PRKCA: variants seen among roughly 807,000 people sequenced by gnomAD.
The protein encoded by PRKCA is protein kinase C alpha type.
Under a neutral mutation model 87.0 loss-of-function variants are expected in PRKCA, and 27 were observed. The observed-to-expected ratio is 0.31, with a 90% CI of 0.23 to 0.43. The LOEUF is 0.43. Ranked by LOEUF, PRKCA falls within the 20% of genes least tolerant of loss-of-function variation. The pLI, the probability that PRKCA is intolerant of heterozygous loss-of-function variation, is 1.00. For missense variants in PRKCA, 518 were observed against 852.3 expected (o/e 0.61, Z 4.88); for synonymous variants, 329 against 311.1 (o/e 1.06, Z -0.61).
chr17:66,399,104 T>TCTTTTCTTTTCTTTTC (rs1555598365), intron 2 of PRKCA, among the ~76,000 whole-genome samples: 1 of 131,938 alleles, frequency 7.6e-6, no homozygotes, highest in African/African-American at 2.7e-5. Context: ...TCTTTTCTTT[T>TCTTTTCTTTTCTTTTC]TTTTTTTTTT....
At chr17:66,790,687 C>T (rs1720382985) in intron 16 of PRKCA, among the ~76,000 whole-genome samples, 1 of 152,226 alleles carries the variant, frequency 6.6e-6, no homozygotes, top group Admixed American at 6.5e-5. Context: ...AATTACCTGT[C>T]AGTCACTTTC....
intron 3 of PRKCA, among the ~76,000 whole-genome samples, chr17:66,540,229 CATT>C (rs1967934865): frequency 6.6e-6 from 1 of 152,192 alleles, no homozygotes; most frequent in African/African-American, 2.4e-5. Context: ...TCTGATTCAT[CATT>C]GTTGTTCAGG....
At chr17:66,695,586 C>T (rs970303572) in intron 8 of PRKCA, among the ~76,000 whole-genome samples, 1 of 152,130 alleles carries the variant, frequency 6.6e-6, no homozygotes, top group African/African-American at 2.4e-5. Flanking sequence ...TTTATTATTT[C>T]GTTCATCATT....
At chr17:66,338,844 G>C (rs1297353118) in intron 2 of PRKCA, among the ~76,000 whole-genome samples, 2 of 152,212 alleles carry the variant, frequency 1.3e-5, no homozygotes, top group African/African-American at 4.8e-5. Context: ...TTTATGGTAA[G>C]TCATTTTTGT....
At chr17:66,551,478 G>T (rs1016567466) in intron 3 of PRKCA, among the ~76,000 whole-genome samples, 13 of 152,210 alleles carry the variant, frequency 8.5e-5, no homozygotes, top group Non-Finnish European at 1.5e-5. Context: ...CTTGATTCTC[G>T]CCATAGGGCA....
intron 5 of PRKCA, among the ~76,000 whole-genome samples, chr17:66,651,661 A>G (rs1971593502): frequency 6.6e-6 from 1 of 152,164 alleles, no homozygotes; most frequent in Non-Finnish European, 1.5e-5. Flanking sequence ...TGGGATTTGG[A>G]TCCAGATCAG....
intron 14 of PRKCA, among the ~76,000 whole-genome samples, chr17:66,785,797 C>T (rs1975369480): frequency 1.3e-5 from 2 of 152,226 alleles, no homozygotes; most frequent in Admixed American, 1.3e-4. Context: ...ACTTTACTCC[C>T]AGAAACCCCA....
chr17:66,538,331 C>A (rs1338401282), intron 3 of PRKCA, among the ~76,000 whole-genome samples: 1 of 152,170 alleles, frequency 6.6e-6, no homozygotes, highest in Non-Finnish European at 1.5e-5. Context: ...CTGCTCTGGG[C>A]TATTTATGAG....
chr17:66,509,655 G>T (rs1917137669), intron 3 of PRKCA, among the ~76,000 whole-genome samples: 1 of 152,152 alleles, frequency 6.6e-6, no homozygotes, highest in South Asian at 2.1e-4. Context: ...TAAACACCCA[G>T]AATAACGTAT....
chr17:66,662,258 GA>G (rs1971926761), intron 5 of PRKCA, among the ~76,000 whole-genome samples: 1 of 152,186 alleles, frequency 6.6e-6, no homozygotes, highest in South Asian at 2.1e-4. Flanking sequence ...AAAGCACTTA[GA>G]TGTCACATGC....
chr17:66,798,433 G>A (rs982781885), intron 16 of PRKCA, among the ~76,000 whole-genome samples: 1 of 88,872 alleles, frequency 1.1e-5, no homozygotes, highest in Admixed American at 1.1e-4. Context: ...TGGTGGTGGT[G>A]ACGGTGGTGG....
chr17:66,745,935 T>C (rs753181179), intron 13 of PRKCA, among the ~76,000 whole-genome samples: 2 of 152,106 alleles, frequency 1.3e-5, no homozygotes, highest in Non-Finnish European at 1.5e-5. Context: ...GACAGCACTC[T>C]GCGTGCTTAC....
At chr17:66,418,075 G>A (rs745780092) in intron 2 of PRKCA, among the ~76,000 whole-genome samples, 44 of 152,142 alleles carry the variant, frequency 2.9e-4, no homozygotes, top group Admixed American at 1.3e-3. Context: ...TTTGGTGCGC[G>A]TGGGTTTTAC....
At chr17:66,314,939 GTGTGTA>G (rs1438674691) in intron 2 of PRKCA, among the ~76,000 whole-genome samples, 1 of 151,630 alleles carries the variant, frequency 6.6e-6, no homozygotes, top group African/African-American at 2.4e-5. Flanking sequence ...ATATATGTGT[GTGTGTA>G]TGTGTATGTA....
chr17:66,466,209 C>G (rs1213532949), intron 2 of PRKCA, among the ~76,000 whole-genome samples: 2 of 152,152 alleles, frequency 1.3e-5, no homozygotes, highest in Non-Finnish European at 2.9e-5. Flanking sequence ...ACGCCTGTAC[C>G]TTTTTTCTGT....
At chr17:66,528,691 A>G (rs571192490) in intron 3 of PRKCA, among the ~76,000 whole-genome samples, 2 of 152,342 alleles carry the variant, frequency 1.3e-5, no homozygotes, top group African/African-American at 4.8e-5. Context: ...ACTGTGAGAT[A>G]ATAAATTTGT....
At chr17:66,680,820 G>A (rs1223811652) in intron 5 of PRKCA, among the ~76,000 whole-genome samples, 2 of 152,268 alleles carry the variant, frequency 1.3e-5, no homozygotes, top group Admixed American at 1.3e-4. Flanking sequence ...AGGGGCACAC[G>A]CTGGGTAGGT....
chr17:66,451,343 A>AATTT (rs60875203), intron 2 of PRKCA, among the ~76,000 whole-genome samples: 34,396 of 144,712 alleles, frequency 0.24, 4,101 homozygotes, highest in East Asian at 0.37. Flanking sequence ...ACGGAGTTAG[A>AATTT]ATTTATTTAT....
At chr17:66,437,746 T>TG (rs1913484761) in intron 2 of PRKCA, among the ~76,000 whole-genome samples, 4 of 5,566 alleles carry the variant, frequency 7.2e-4, no homozygotes, top group African/African-American at 2.1e-3. Context: ...GGGGGGTGGG[T>TG]GGGGCGGGGG....
Sources: gnomAD v4.1 joint callset for allele counts (sites outside exome capture counted in the v4.1 genomes callset) on GRCh38, gnomAD v4.1.1 for gene constraint, MANE v1.5 for transcripts, NCBI Gene and HGNC (gene_info 2026-07-23, HGNC 2026-07-21) for gene names.